The following IGF1R variants were observed in gnomAD, a reference collection of about 807,000 sequenced individuals.
The protein encoded by IGF1R is insulin like growth factor 1 receptor.
Under a neutral mutation model 144.6 loss-of-function variants are expected in IGF1R, and 44 were observed. The observed-to-expected ratio is 0.30, with a 90% CI of 0.24 to 0.39. IGF1R has a LOEUF of 0.39. Ranked by LOEUF, IGF1R falls within the 10% of genes least tolerant of loss-of-function variation. The pLI, the probability that IGF1R is intolerant of heterozygous loss-of-function variation, is 1.00. For missense variants in IGF1R, 1,355 were observed against 1,833.7 expected (o/e 0.74, Z 4.77); for synonymous variants, 795 against 722.8 (o/e 1.10, Z -1.60).
rs1381307094 is a variant in IGF1R, at chr15:98,959,149, A to G, written c.*1707A>G. The G allele has an allele frequency of 8.6e-6, 2 of 233,340 alleles. No homozygotes were observed. The highest frequency in any genetic ancestry group is 1.7e-5 in the Non-Finnish European group (2 of 118,042). The allele number at this position is 233,340 out of a possible 1,614,324, so 14.5% of individuals were successfully genotyped here. On this transcript the variant is annotated 3_prime_UTR_variant, in exon 21 of 21. Transcript: ENST00000650285. ...GTGTTTCCACTCACCGTGGTTGAGA[A>G]GCCTCACCCTCTCTTTCCCTTGCCT...
At chr15:98,870,069 C>T (rs1388192382) in intron 2 of IGF1R, among the ~76,000 whole-genome samples, 1 of 152,182 alleles carries the variant, frequency 6.6e-6, no homozygotes, top group Non-Finnish European at 1.5e-5. Context: ...GGCAGTAAAC[C>T]TAAAAGTAAG....
At chr15:98,728,803 A>G (rs2054427759) in intron 2 of IGF1R, among the ~76,000 whole-genome samples, 2 of 152,254 alleles carry the variant, frequency 1.3e-5, no homozygotes, top group South Asian at 4.1e-4. Context: ...TGGAGAAGCC[A>G]GCACCTTTAT....
At chr15:98,837,561 C>T (rs192257052) in intron 2 of IGF1R, among the ~76,000 whole-genome samples, 3 of 152,022 alleles carry the variant, frequency 2.0e-5, no homozygotes, top group African/African-American at 4.8e-5. Context: ...TGTAGAAACT[C>T]ACTATGTTGC....
intron 2 of IGF1R, among the ~76,000 whole-genome samples, chr15:98,850,427 G>A (rs1327488981): frequency 6.7e-6 from 1 of 149,396 alleles, no homozygotes; most frequent in African/African-American, 2.6e-5. Flanking sequence ...GCAGACACCT[G>A]GGGGGGGCAC....
chr15:98,962,975 T>G lies in IGF1R; in HGVS notation c.*5533T>G, dbSNP rs1191671618. 1 of 233,656 alleles carries G rather than the reference T, an allele frequency of 4.3e-6. No homozygotes were observed. Among genetic ancestry groups the G allele is most frequent in the Non-Finnish European group, 8.5e-6 (1 of 118,070 alleles). The allele number at this position is 233,656 out of a possible 1,614,324, so 14.5% of individuals were successfully genotyped here. ...TGTCCCACGTGTGTGTGTCCGCATCTTTCTGGTCAACATTGTTTTAACTAG... is the reference window on the plus strand; with the variant it reads ...TGTCCCACGTGTGTGTGTCCGCATCGTTCTGGTCAACATTGTTTTAACTAG... On this transcript the variant is annotated 3_prime_UTR_variant, in exon 21 of 21. Coordinates refer to ENST00000650285, the MANE Select transcript of IGF1R (RefSeq NM_000875.5).
rs1044515853 is a variant in IGF1R, at chr15:98,935,800, G to T, written c.3297+374G>T. Among the ~76,000 whole-genome samples the T allele has an allele frequency of 6.6e-6, 1 of 151,870 alleles. No individual in the cohort carries two copies. The highest frequency in any genetic ancestry group is 1.5e-5 in the Non-Finnish European group (1 of 67,998). On this transcript the variant is annotated intron_variant, in intron 17 of 20. Coordinates refer to ENST00000650285, the MANE Select transcript of IGF1R (RefSeq NM_000875.5). This position sits in a 1 kb window ranked among gnomAD's most constrained non-coding sequence, Gnocchi z 4.2. ...TAGCTATCTTCTCTGCTAACTTCTC[G>T]ATGCGCTTGACTCACATCCTCGTAT...
At chr15:98,650,604 C>T (rs2052336389) in intron 1 of IGF1R, among the ~76,000 whole-genome samples, 1 of 152,242 alleles carries the variant, frequency 6.6e-6, no homozygotes, top group Non-Finnish European at 1.5e-5. Flanking sequence ...CACGTGCTCG[C>T]AGCGCGGGGT....
chr15:98,924,819 A>G (rs1444030504), intron 13 of IGF1R, 135 bp downstream of exon 13: 2 of 838,816 alleles, frequency 2.4e-6, no homozygotes, highest in African/African-American at 3.4e-5. Flanking sequence ...GGGTCATGCT[A>G]AGGTGCCGGC....
rs45569932 is a variant in IGF1R, at chr15:98,833,875, T to C, written c.641-57450T>C. On this transcript the variant is annotated intron_variant, in intron 2 of 20. Coordinates refer to ENST00000650285, the MANE Select transcript of IGF1R (RefSeq NM_000875.5). ...TGCTATCTAGAGGCAGCCAAAAAAA[T>C]ATTCATGCTTGCATAGTCAGGGTCC... Among the ~76,000 whole-genome samples the C allele has an allele frequency of 8.6e-3, 1,312 of 152,274 alleles. 18 individuals are homozygous for C. Among genetic ancestry groups the C allele is most frequent in the Admixed American group, 0.011 (170 of 15,300 alleles).
At chr15:98,733,656 G>A (rs2054547184) in intron 2 of IGF1R, among the ~76,000 whole-genome samples, 1 of 152,114 alleles carries the variant, frequency 6.6e-6, no homozygotes, top group Non-Finnish European at 1.5e-5. Context: ...GAATCAGTTT[G>A]CTGTCTGACT....
intron 5 of IGF1R, among the ~76,000 whole-genome samples, chr15:98,906,653 C>T (rs1272007183): frequency 6.6e-6 from 1 of 152,206 alleles, no homozygotes; most frequent in Non-Finnish European, 1.5e-5. Context: ...AGGAAACACA[C>T]CTTGTGTTGC....
Position 98,957,393 on chromosome 15 carries a change from G to C in IGF1R, c.4055G>C (p.Gly1352Ala). The C allele has an allele frequency of 3.7e-6, 6 of 1,613,310 alleles. No individual in the cohort carries two copies. The highest frequency in any genetic ancestry group is 5.1e-6 in the Non-Finnish European group (6 of 1,180,024). ...CAGCCTTACGCCCACATGAACGGGG[G>C]CCGCAAGAACGAGCGGGCCTTGCCG... ...ERQPYAHMNG[G>A]RKNERALPLP... The change falls in exon 21 of 21, where the codon GGC becomes GCC. Residue 1352 changes from glycine (G) to alanine (A), a missense_variant. Gly to Ala is a moderately conservative substitution (Grantham distance 60). Transcript: ENST00000650285.
At chr15:98,690,310 T>TC (rs2053444823) in intron 1 of IGF1R, among the ~76,000 whole-genome samples, 1 of 151,096 alleles carries the variant, frequency 6.6e-6, no homozygotes, top group African/African-American at 2.5e-5. Flanking sequence ...GCCACTGTAC[T>TC]CCAACTTGGG....
Position 98,935,166 on chromosome 15 carries a change from C to A in IGF1R, c.3186+113C>A. ...CGTGGGTTTGGTGTCTTGCCTTTGC[C>A]TTCTGGATAGTTACCCCATTACCTC... On this transcript the variant is annotated intron_variant, in intron 16 of 20. Coordinates refer to ENST00000650285, the MANE Select transcript of IGF1R (RefSeq NM_000875.5). The surrounding 1 kb of genome is among the most constrained non-coding windows in gnomAD (Gnocchi z 4.2). 9.7e-7 allele frequency: 1 copy of A among 1,029,776 alleles called. No homozygotes were observed. Among genetic ancestry groups the A allele is most frequent in the South Asian group, 1.4e-5 (1 of 73,790 alleles). The allele number at this position is 1,029,776 out of a possible 1,614,324, so 63.8% of individuals were successfully genotyped here. A position where few individuals can be genotyped will look rare whatever the true frequency, so the allele number is the denominator to read the frequency against.
intron 1 of IGF1R, among the ~76,000 whole-genome samples, chr15:98,667,052 G>A (rs570448054): frequency 1.3e-5 from 2 of 152,098 alleles, no homozygotes; most frequent in Admixed American, 6.5e-5. Flanking sequence ...GAACTGTGAG[G>A]TCAGGAGAGG....
At chr15:98,666,203 AAC>A (rs896458700) in intron 1 of IGF1R, among the ~76,000 whole-genome samples, 18 of 152,226 alleles carry the variant, frequency 1.2e-4, no homozygotes, top group African/African-American at 4.3e-4. Flanking sequence ...TATTACCAAA[AAC>A]ACCAGATGAT....
chr15:98,716,320 G>GTC (rs1022621741), intron 2 of IGF1R, among the ~76,000 whole-genome samples: 7 of 151,718 alleles, frequency 4.6e-5, no homozygotes, highest in South Asian at 4.2e-4. Context: ...CTCTCTCTCT[G>GTC]TCTCTCTCTC....
chr15:98,738,207 G>A (rs1358317677), intron 2 of IGF1R, among the ~76,000 whole-genome samples: 2 of 152,174 alleles, frequency 1.3e-5, no homozygotes, highest in African/African-American at 4.8e-5. Flanking sequence ...GTTTGGTCCC[G>A]TTGTAAGGCC....
intron 1 of IGF1R, among the ~76,000 whole-genome samples, chr15:98,651,467 TA>T (rs1238802740): frequency 3.3e-5 from 5 of 152,366 alleles, no homozygotes; most frequent in African/African-American, 1.2e-4. Context: ...TTTTTATCTT[TA>T]AAAGATAAGT....
Sources: allele counts gnomAD v4.1 joint callset (sites outside exome capture counted in the v4.1 genomes callset), GRCh38; gene constraint gnomAD v4.1.1; non-coding constraint Gnocchi (gnomAD v3.1); transcripts MANE v1.5; gene names NCBI Gene and HGNC (gene_info 2026-07-23, HGNC 2026-07-21).